TIAM1: variants seen among roughly 807,000 people sequenced by gnomAD.
TIAM1 encodes rho guanine nucleotide exchange factor TIAM1.
TIAM1 carries 65 observed loss-of-function variants against 163.5 expected under a neutral mutation model. The observed-to-expected ratio is 0.40, with a 90% confidence interval of 0.33 to 0.49. The LOEUF is 0.49. TIAM1 is among the 20% of genes least tolerant of loss of function. The pLI, the probability that TIAM1 is intolerant of heterozygous loss-of-function variation, is 0.77. For synonymous variants in TIAM1, 833 were observed against 810.1 expected (o/e 1.03, Z -0.48); for missense variants, 1,789 against 2,044.7 (o/e 0.87, Z 2.41).
chr21:31,290,467 C>G (rs776504108), intron 2 of TIAM1, among the ~76,000 whole-genome samples: 4 of 151,480 alleles, frequency 2.6e-5, no homozygotes, highest in Non-Finnish European at 5.9e-5. Flanking sequence ...AACCTCATCT[C>G]TACTAAAAAA....
intron 3 of TIAM1, among the ~76,000 whole-genome samples, chr21:31,275,505 A>G (rs2073258245): frequency 6.6e-6 from 1 of 152,180 alleles, no homozygotes; most frequent in African/African-American, 2.4e-5. Flanking sequence ...GACTTATTCT[A>G]CTTTTTCGCT....
intron 2 of TIAM1, among the ~76,000 whole-genome samples, chr21:31,451,431 T>C (rs898123821): frequency 2.0e-5 from 3 of 152,016 alleles, no homozygotes; most frequent in African/African-American, 7.3e-5. Flanking sequence ...ACAGGGAAGT[T>C]AGCCAAGTCT....
intron 11 of TIAM1, among the ~76,000 whole-genome samples, chr21:31,204,990 G>C (rs953065179): frequency 2.0e-5 from 3 of 152,128 alleles, no homozygotes; most frequent in African/African-American, 7.2e-5. Flanking sequence ...CTATATTTGA[G>C]ACCAGATGCT....
chr21:31,412,161 T>G (rs2077369457), intron 2 of TIAM1, among the ~76,000 whole-genome samples: 1 of 152,194 alleles, frequency 6.6e-6, no homozygotes, highest in Non-Finnish European at 1.5e-5. Flanking sequence ...GACGCCGTTA[T>G]CTTAAGTCAG....
intron 1 of TIAM1, among the ~76,000 whole-genome samples, chr21:31,496,180 G>A (rs932624091): frequency 4.1e-4 from 62 of 151,914 alleles, no homozygotes; most frequent in African/African-American, 1.4e-3. Context: ...AAAGTGTACA[G>A]AAAAAGGATG....
rs143696614 is a variant in TIAM1, at chr21:31,380,206, T to C, written c.-368-40784A>G. Among the ~76,000 whole-genome samples the C allele has an allele frequency of 3.2e-3, 492 of 152,120 alleles. 1 individual carries two copies. Among genetic ancestry groups the C allele is most frequent in the African/African-American group, 0.011 (470 of 41,480 alleles). ...TGAACCTGAGAGGTGGAGGTTGCAG[T>C]TGGAGCACGCCACCGCACTCTAGCC... On this transcript the variant is annotated intron_variant, in intron 2 of 28. Coordinates refer to the TIAM1 transcript ENST00000286827.
intron 19 of TIAM1, among the ~76,000 whole-genome samples, chr21:31,152,172 AC>A (rs1216066497): frequency 6.6e-6 from 1 of 151,986 alleles, no homozygotes; most frequent in Non-Finnish European, 1.5e-5. Flanking sequence ...AGCTGGAATT[AC>A]AGGTGCCCAC....
At chr21:31,414,446 A>G (rs1472831400) in intron 2 of TIAM1, among the ~76,000 whole-genome samples, 1 of 152,172 alleles carries the variant, frequency 6.6e-6, no homozygotes, top group Non-Finnish European at 1.5e-5. Context: ...ACCACTGGGA[A>G]AAGCTTACTA....
intron 1 of TIAM1, among the ~76,000 whole-genome samples, chr21:31,490,686 G>A (rs1334390995): frequency 6.6e-6 from 1 of 152,232 alleles, no homozygotes; most frequent in Non-Finnish European, 1.5e-5. Context: ...GAACAAGACA[G>A]GAAGTAGACT....
At chr21:31,477,123 C>A (rs1448586050) in intron 1 of TIAM1, among the ~76,000 whole-genome samples, 1 of 152,148 alleles carries the variant, frequency 6.6e-6, no homozygotes, top group African/African-American at 2.4e-5. Context: ...TTAGGTTGAA[C>A]TGGGGGAAAT....
At chr21:31,403,709 G>C (rs1255530278) in intron 2 of TIAM1, among the ~76,000 whole-genome samples, 2 of 152,096 alleles carry the variant, frequency 1.3e-5, no homozygotes, top group South Asian at 2.1e-4. Flanking sequence ...GCTAGAATAA[G>C]GAATAGTCTA....
At chr21:31,317,013 G>A (rs845968) in intron 2 of TIAM1, among the ~76,000 whole-genome samples, 65,002 of 151,938 alleles carry the variant, frequency 0.43, 14,630 homozygotes, top group African/African-American at 0.58. Context: ...TATATTTACC[G>A]ATAATAAAGC....
intron 8 of TIAM1, 54 bp downstream of exon 8, chr21:31,223,352 C>G (rs1349168739): frequency 1.3e-6 from 2 of 1,525,060 alleles, no homozygotes; most frequent in Non-Finnish European, 1.8e-6. Flanking sequence ...AAGTCCTGCT[C>G]AGGATTAAGC....
In TIAM1 at chr21:31,181,756, CTTTTTTTTTT is replaced by C. The variant is rs781153297; in HGVS notation, c.2887+655_2887+664del. On this transcript the variant is annotated intron_variant, in intron 15 of 27. Coordinates refer to ENST00000541036, the MANE Select transcript of TIAM1 (RefSeq NM_001353694.2). ...CCCAGCACTTCTTCTTCTTCTTCTT[CTTTTTTTTTT>C]TTTTTTTTTTTTTTTTTTTTTTTTT... 6.7e-3 allele frequency among the ~76,000 whole-genome samples: 275 copies of C among 41,272 alleles called. 36 individuals carry two copies. Among genetic ancestry groups the C allele is most frequent in the Middle Eastern group, 0.016 (1 of 62 alleles). 27.1% of individuals were successfully genotyped at this position (41,272 alleles called of 152,430 possible).
rs1311928636 is a variant in TIAM1 at position 31,315,745 on chromosome 21, G to C, written c.-189+23498C>G. ...TACTGTAATCCCAGCACTTTGGGAG[G>C]CCGAGGCAGGCGGATCATGAGGTCA... On this transcript the variant is annotated intron_variant, in intron 2 of 27. Transcript: ENST00000541036. 2.7e-5 allele frequency among the ~76,000 whole-genome samples: 4 copies of C among 150,444 alleles called. No individual in the cohort carries two copies. In the East Asian group the frequency reaches 7.9e-4, roughly 30 times the overall value.
At chr21:31,551,470 T>C (rs963419920) in intron 1 of TIAM1, among the ~76,000 whole-genome samples, 1 of 151,750 alleles carries the variant, frequency 6.6e-6, no homozygotes, top group Non-Finnish European at 1.5e-5. Flanking sequence ...AAAAATGCCA[T>C]GGCTCACACC....
rs143173605 is a variant in TIAM1 at position 31,164,991 on chromosome 21, A to T, written c.2962T>A (p.Ser988Thr). The T allele has an allele frequency of 5.1e-4, 824 of 1,614,162 alleles. No homozygotes were observed. Among genetic ancestry groups the T allele is most frequent in the Non-Finnish European group, 6.6e-4 (779 of 1,180,040 alleles). ...PEETEGPDLE[S>T]SDETDHSSKS... ...CTGCTGTGATCAGTCTCATCTGAGG[A>T]TTCCAAGTCTGGCCCCTCGGTCTCC... The change falls in exon 16 of 28, where the codon TCC becomes ACC. Residue 988 changes from serine (S) to threonine (T), a missense_variant. Physicochemically the swap from Ser to Thr is moderately conservative, Grantham distance 58. Around this residue, in one of 5 missense-constraint regions of TIAM1, gnomAD observed 303 missense variants for 321.3 expected, o/e 0.94. Transcript: ENST00000541036.
Position 31,225,791 on chromosome 21 carries a change from T to G in TIAM1, c.1744A>C (p.Lys582Gln). The G allele has an allele frequency of 1.2e-6, 2 of 1,614,198 alleles. No homozygotes were observed. Among genetic ancestry groups the G allele is most frequent in the Non-Finnish European group, 1.7e-6 (2 of 1,180,046 alleles). Residue 582 changes from lysine to glutamine, a missense_variant, in exon 7 of 28, where the codon AAA becomes CAA. By Grantham distance (53) the Lys-to-Gln change is moderately conservative. Coordinates refer to ENST00000541036, the MANE Select transcript of TIAM1 (RefSeq NM_001353694.2). ...QKIDMDEKMK[K>Q]MGEMQLSSVT... is the part of the protein sequence containing the mutation. The stretch of plus-strand genomic sequence containing the variant: ...GAAGACAGCTGCATTTCACCCATTT[T>G]CTTCATCTTTTCATCCATGTCAATC...
intron 11 of TIAM1, among the ~76,000 whole-genome samples, chr21:31,204,806 A>C (rs74836430): frequency 6.7e-4 from 102 of 152,342 alleles, no homozygotes; most frequent in African/African-American, 2.4e-3. Context: ...AGAAAGTGGA[A>C]ATGAGTTCAC....
Sources: allele counts gnomAD v4.1 joint callset (sites outside exome capture counted in the v4.1 genomes callset), GRCh38; gene constraint gnomAD v4.1.1; regional missense constraint gnomAD v4.1.1; transcripts MANE v1.5; gene names NCBI Gene and HGNC (gene_info 2026-07-23, HGNC 2026-07-21).